Variants in RFX4 observed in about 807,000 individuals in gnomAD.
RFX4 encodes the protein transcription factor RFX4.
In RFX4, 10 loss-of-function variants were observed where a neutral mutation model predicts 95.0. The observed-to-expected ratio is 0.11, with a 90% CI of 0.06 to 0.18. RFX4 has a LOEUF of 0.18. RFX4 is among the 10% of genes least tolerant of loss of function. The pLI is 1.00. For synonymous variants in RFX4, 321 were observed against 340.7 expected, an observed-to-expected ratio of 0.94 and a Z score of 0.64; for missense variants, 640 against 922.0, an observed-to-expected ratio of 0.69 and a Z score of 3.96.
intron 2 of RFX4, among the ~76,000 whole-genome samples, chr12:106,610,855 T>C (rs2137209366): frequency 6.6e-6 from 1 of 152,334 alleles, no homozygotes; most frequent in African/African-American, 2.4e-5. Context: ...TTGGATCATA[T>C]GGTAACTCTG....
chr12:106,590,543 A>G (rs2039524433), intron 1 of RFX4, among the ~76,000 whole-genome samples: 1 of 152,248 alleles, frequency 6.6e-6, no homozygotes, highest in Admixed American at 6.5e-5. Context: ...GGGAAGCAAG[A>G]TCACTCTTAT....
At chr12:106,700,893 ACTAT>A in intron 8 of RFX4, among the ~76,000 whole-genome samples, 1 of 152,292 alleles carries the variant, frequency 6.6e-6, no homozygotes, top group African/African-American at 2.4e-5. Context: ...GCTTTAGATA[ACTAT>A]CTTTGAGAAT....
At chr12:106,591,795 T>C (rs2039551047) in intron 1 of RFX4, among the ~76,000 whole-genome samples, 2 of 152,218 alleles carry the variant, frequency 1.3e-5, no homozygotes, top group African/African-American at 4.8e-5. Flanking sequence ...TATGATAATA[T>C]ATGGAGCCTT....
rs922057944 is a variant in RFX4 at position 106,595,495 on chromosome 12, CG to C, written c.43+12135del. On this transcript the variant is annotated intron_variant, in intron 1 of 17. Coordinates refer to ENST00000392842, the MANE Select transcript of RFX4 (RefSeq NM_213594.3). ...AGCAGCAGGCTGCTGAGGATGCCCA[CG>C]GGCACTCCTCCCTGAGTGGGTGCCT... is the stretch of plus-strand genomic sequence containing the variant. Among the ~76,000 whole-genome samples, 4 of 152,158 alleles carry C rather than the reference CG, an allele frequency of 2.6e-5. No homozygotes were observed. In the South Asian group the frequency reaches 6.2e-4, roughly 24 times the overall value.
At chr12:106,619,038 C>A (rs778865348) in intron 2 of RFX4, among the ~76,000 whole-genome samples, 14 of 152,162 alleles carry the variant, frequency 9.2e-5, no homozygotes, top group Non-Finnish European at 1.8e-4. Context: ...ATTTTAACCT[C>A]ATTTTCCTCT....
At chr12:106,643,904 GT>G (rs1350176935) in intron 3 of RFX4, among the ~76,000 whole-genome samples, 1 of 152,208 alleles carries the variant, frequency 6.6e-6, no homozygotes, top group Non-Finnish European at 1.5e-5. Context: ...AGTGAGACAT[GT>G]GTGTGCATGT....
At chr12:106,598,628 C>T (rs1027138461) in intron 1 of RFX4, among the ~76,000 whole-genome samples, 1 of 152,124 alleles carries the variant, frequency 6.6e-6, no homozygotes, top group Non-Finnish European at 1.5e-5. Flanking sequence ...TGGCTTACCT[C>T]AAAAGTTCAG....
chr12:106,612,613 G>A (rs1228806669), intron 2 of RFX4, among the ~76,000 whole-genome samples: 1 of 152,130 alleles, frequency 6.6e-6, no homozygotes, highest in Non-Finnish European at 1.5e-5. Flanking sequence ...CGAGGGAGGT[G>A]GATCACCTGA....
At chr12:106,739,210 A>G (rs1452906853) in intron 15 of RFX4, among the ~76,000 whole-genome samples, 1 of 152,218 alleles carries the variant, frequency 6.6e-6, no homozygotes, top group African/African-American at 2.4e-5. Flanking sequence ...TTAAAATCTT[A>G]TTAATATGTG....
chr12:106,627,934 C>T (rs1037453544), intron 2 of RFX4, among the ~76,000 whole-genome samples: 8 of 152,296 alleles, frequency 5.3e-5, no homozygotes, highest in African/African-American at 1.9e-4. Flanking sequence ...ACTGAGAGTC[C>T]AGGACAGGAT....
chr12:106,642,836 G>C (rs1025883771), intron 3 of RFX4, among the ~76,000 whole-genome samples: 3 of 152,166 alleles, frequency 2.0e-5, no homozygotes, highest in African/African-American at 7.2e-5. Flanking sequence ...TGCAGGTGGA[G>C]AGAACAGCTT....
chr12:106,711,053 A>C (rs1428870547), intron 9 of RFX4, among the ~76,000 whole-genome samples: 2 of 152,328 alleles, frequency 1.3e-5, no homozygotes, highest in Admixed American at 6.5e-5. Flanking sequence ...TAGACATACT[A>C]CTTTTTAAAG....
At chr12:106,715,697 C>CCTTCTGGACTGA in intron 11 of RFX4, 153 bp downstream of exon 11, 1 of 853,254 alleles carries the variant, frequency 1.2e-6, no homozygotes, top group Non-Finnish European at 1.8e-6. Flanking sequence ...ATGAGTCAGT[C>CCTTCTGGACTGA]CAGAAGGAAG....
chr12:106,634,585 G>T (rs982336087), intron 2 of RFX4, among the ~76,000 whole-genome samples: 3 of 152,086 alleles, frequency 2.0e-5, no homozygotes, highest in Admixed American at 6.6e-5. Context: ...ATCACATCAC[G>T]TTCCATACTC....
At chr12:106,694,178 A>T (rs1054498592) in intron 7 of RFX4, among the ~76,000 whole-genome samples, 1 of 152,216 alleles carries the variant, frequency 6.6e-6, no homozygotes, top group Non-Finnish European at 1.5e-5. Flanking sequence ...ACCTGACTTC[A>T]TTCACCACTA....
intron 2 of RFX4, among the ~76,000 whole-genome samples, chr12:106,622,883 G>A (rs1486120776): frequency 3.9e-5 from 6 of 152,070 alleles, no homozygotes; most frequent in Non-Finnish European, 7.4e-5. Flanking sequence ...GCCTCCCAAA[G>A]TGCTGGGATT....
At chr12:106,738,656 G>A (rs1191090301) in intron 15 of RFX4, among the ~76,000 whole-genome samples, 1 of 152,174 alleles carries the variant, frequency 6.6e-6, no homozygotes, top group Non-Finnish European at 1.5e-5. Flanking sequence ...CATTAAAAAT[G>A]TCATCCTATA....
At chr12:106,742,169 TTTG>T (rs1003532618) in intron 15 of RFX4, among the ~76,000 whole-genome samples, 17 of 152,090 alleles carry the variant, frequency 1.1e-4, no homozygotes, top group African/African-American at 3.9e-4. Flanking sequence ...GCTTCAGGTT[TTTG>T]TTGTTGTTGT....
intron 13 of RFX4, among the ~76,000 whole-genome samples, chr12:106,727,345 A>C (rs2042521590): frequency 6.6e-6 from 1 of 152,196 alleles, no homozygotes; most frequent in Admixed American, 6.5e-5. Context: ...TAATATCTTA[A>C]AGGGCATCTA....
Sources: allele counts gnomAD v4.1 joint callset (sites outside exome capture counted in the v4.1 genomes callset), GRCh38; gene constraint gnomAD v4.1.1; transcripts MANE v1.5; gene names NCBI Gene and HGNC (gene_info 2026-07-23, HGNC 2026-07-21).